Variants in LPIN2 observed in about 807,000 individuals in gnomAD.
The protein encoded by LPIN2 is phosphatidate phosphatase LPIN2.
A neutral mutation model predicts 111.4 loss-of-function variants in LPIN2; 55 were observed. The observed-to-expected ratio is 0.49, with a 90% CI of 0.40 to 0.62. The LOEUF is 0.62. Ranked by LOEUF, LPIN2 falls within the 20% of genes least tolerant of loss-of-function variation. The pLI is 0.00. For synonymous variants in LPIN2, 425 were observed against 414.0 expected (o/e 1.03, Z -0.32); for missense variants, 992 against 1,112.1 (o/e 0.89, Z 1.54).
Position 2,954,613 on chromosome 18 carries a change from A to C in LPIN2, c.193-14T>G, listed in dbSNP as rs755282603. 6.5e-7 allele frequency: 1 copy of C among 1,543,820 alleles called. No individual in the cohort carries two copies. Among genetic ancestry groups the C allele is most frequent in the Non-Finnish European group, 9.0e-7 (1 of 1,115,846 alleles). On this transcript the variant is annotated splice_polypyrimidine_tract_variant and intron_variant, in intron 2 of 19. Coordinates refer to ENST00000677752, the MANE Select transcript of LPIN2 (RefSeq NM_001375808.2). Reference sequence around the variant, plus strand: ...TTCTATATCAATCTATGGGAGAAACAAAGTATGACTTAATGTTCAAGGAGT... The same window carrying C: ...TTCTATATCAATCTATGGGAGAAACCAAGTATGACTTAATGTTCAAGGAGT...
intron 1 of LPIN2, among the ~76,000 whole-genome samples, chr18:2,997,106 C>T (rs1176670125): frequency 1.3e-5 from 2 of 152,000 alleles, no homozygotes; most frequent in Non-Finnish European, 1.5e-5. Context: ...TTCAGCCTCC[C>T]GAGTAGCTAG....
intron 1 of LPIN2, among the ~76,000 whole-genome samples, chr18:2,989,415 TAGAA>T (rs1361961603): frequency 6.6e-6 from 1 of 151,762 alleles, no homozygotes; most frequent in African/African-American, 2.4e-5. Context: ...CCTCAGTAAA[TAGAA>T]AGACATCCGT....
intron 1 of LPIN2, among the ~76,000 whole-genome samples, chr18:2,965,623 G>A (rs764525053): frequency 4.4e-4 from 66 of 151,690 alleles, no homozygotes; most frequent in Non-Finnish European, 7.1e-4. Flanking sequence ...CCAGCTACTC[G>A]GGAGGCTGAG....
rs963312925 is a variant in LPIN2 at position 2,920,123 on chromosome 18, G to A, written c.*170C>T. The A allele has an allele frequency of 1.2e-5, 10 of 836,744 alleles. No individual in the cohort carries two copies. Among genetic ancestry groups the A allele is most frequent in the Non-Finnish European group, 1.9e-5 (10 of 524,160 alleles). 51.8% of individuals were successfully genotyped at this position (836,744 alleles called of 1,614,324 possible). On this transcript the variant is annotated 3_prime_UTR_variant, in exon 20 of 20. Transcript: ENST00000677752. ...CTTCCAGGAGCTGAGCTGCAGACCT[G>A]CCGAGCCTGAGCAGCTGGCCTGGGA... is the stretch of plus-strand genomic sequence containing the variant.
chr18:2,983,430 C>A (rs956786344), intron 1 of LPIN2, among the ~76,000 whole-genome samples: 19 of 152,282 alleles, frequency 1.2e-4, no homozygotes, highest in African/African-American at 4.3e-4. Flanking sequence ...CTGGTATTTC[C>A]TTGGCAGCTC....
At chr18:2,934,793 C>G (rs756479021) in intron 7 of LPIN2, among the ~76,000 whole-genome samples, 1 of 152,168 alleles carries the variant, frequency 6.6e-6, no homozygotes, top group Non-Finnish European at 1.5e-5. Flanking sequence ...CAACCACCTG[C>G]ATTGGGAACG....
intron 7 of LPIN2, among the ~76,000 whole-genome samples, chr18:2,935,450 C>CT (rs1185892490): frequency 2.6e-5 from 4 of 152,092 alleles, no homozygotes. Context: ...TGGCTGAGCT[C>CT]TTTAAAAGGT....
At chr18:3,010,378 A>C (rs2044923827) in intron 1 of LPIN2, among the ~76,000 whole-genome samples, 1 of 152,232 alleles carries the variant, frequency 6.6e-6, no homozygotes, top group Non-Finnish European at 1.5e-5. Context: ...CATTATACAT[A>C]GGATTCTGCC....
intron 8 of LPIN2, 35 bp downstream of exon 8, chr18:2,934,316 C>T (rs751739282): frequency 1.7e-5 from 23 of 1,383,034 alleles, no homozygotes; most frequent in Non-Finnish European, 2.2e-5. Flanking sequence ...TAGACTATTT[C>T]AGAGCTGTCC....
chr18:2,994,794 G>A (rs566842088), intron 1 of LPIN2, among the ~76,000 whole-genome samples: 21 of 152,264 alleles, frequency 1.4e-4, no homozygotes, highest in African/African-American at 4.6e-4. Context: ...GAATGTCCCC[G>A]GCGGCGGGTG....
At chr18:2,926,184 G>A (rs1179385876) in intron 13 of LPIN2, among the ~76,000 whole-genome samples, 1 of 152,158 alleles carries the variant, frequency 6.6e-6, no homozygotes, top group Non-Finnish European at 1.5e-5. Context: ...GATGGGGGGC[G>A]GTAAGGGGCA....
rs1326045658 is a variant in LPIN2, at chr18:2,918,391, C to T, written c.*1902G>A. 2 of 152,214 alleles carry T rather than the reference C, an allele frequency of 1.3e-5. No homozygotes were observed. The highest frequency in any genetic ancestry group is 2.4e-5 in the African/African-American group (1 of 41,454). 9.4% of individuals were successfully genotyped at this position (152,214 alleles called of 1,614,324 possible). A position where few individuals can be genotyped will look rare whatever the true frequency, so the allele number is the denominator to read the frequency against. ...GTCCTACTATAAGCTCAGTTAAACA[C>T]ACAAAGCTCTCATTCTTCCTCTAAA... On this transcript the variant is annotated 3_prime_UTR_variant, in exon 20 of 20. Transcript: ENST00000677752.
chr18:2,924,590 A>T (rs1482392982), intron 14 of LPIN2, 44 bp from the exon 15 acceptor site: 1 of 1,600,816 alleles, frequency 6.2e-7, no homozygotes, highest in South Asian at 1.1e-5. Flanking sequence ...CTGAAAACAT[A>T]GTTTGAAACG....
intron 1 of LPIN2, among the ~76,000 whole-genome samples, chr18:2,975,475 C>T (rs1244706937): frequency 2.6e-5 from 4 of 152,174 alleles, no homozygotes; most frequent in African/African-American, 7.2e-5. Flanking sequence ...GCCGGGACTA[C>T]AGGCGCGTGC....
chr18:3,007,637 C>G (rs899917847), intron 1 of LPIN2, among the ~76,000 whole-genome samples: 4 of 152,114 alleles, frequency 2.6e-5, no homozygotes, highest in Non-Finnish European at 5.9e-5. Flanking sequence ...CCCAAACATT[C>G]CTTAACTTAT....
intron 1 of LPIN2, among the ~76,000 whole-genome samples, chr18:2,999,798 T>C (rs1218382552): frequency 1.3e-5 from 2 of 152,006 alleles, no homozygotes; most frequent in East Asian, 1.9e-4. Context: ...AAAGCGCTCT[T>C]GGAAATTAAC....
intron 7 of LPIN2, among the ~76,000 whole-genome samples, chr18:2,937,081 A>G (rs2077297070): frequency 6.6e-6 from 1 of 152,168 alleles, no homozygotes; most frequent in African/African-American, 2.4e-5. Context: ...CCTTATCAAT[A>G]AAGTGGTTAA....
At chr18:2,938,892 G>A (rs931434840) in intron 6 of LPIN2, among the ~76,000 whole-genome samples, 2 of 152,174 alleles carry the variant, frequency 1.3e-5, no homozygotes, top group African/African-American at 4.8e-5. Context: ...GGCAGCTCAC[G>A]CCTGTAATCC....
intron 1 of LPIN2, among the ~76,000 whole-genome samples, chr18:3,010,054 C>T (rs542756835): frequency 6.6e-6 from 1 of 152,296 alleles, no homozygotes; most frequent in Non-Finnish European, 1.5e-5. Context: ...GGCAGCCCAC[C>T]AAGTGGCCCC....
Sources: gnomAD v4.1 joint callset for allele counts (sites outside exome capture counted in the v4.1 genomes callset) on GRCh38, gnomAD v4.1.1 for gene constraint, MANE v1.5 for transcripts, NCBI Gene and HGNC (gene_info 2026-07-23, HGNC 2026-07-21) for gene names.